GRK4: variants seen among roughly 807,000 people sequenced by gnomAD.
GRK4 encodes the protein G protein-coupled receptor kinase 2-like.
In GRK4, 73 loss-of-function variants were observed where a neutral mutation model predicts 77.9. The ratio of observed to expected loss-of-function variants is 0.94; its 90% CI spans 0.78 to 1.14. The LOEUF (loss-of-function observed/expected upper bound fraction) is 1.14. GRK4 is among the 50% of genes most tolerant of loss of function. The pLI, the probability that GRK4 is intolerant of heterozygous loss-of-function variation, is 0.00. For synonymous variants in GRK4, 257 were observed against 254.4 expected, an observed-to-expected ratio of 1.01 and a Z score of -0.10; for missense variants, 729 against 700.2, an observed-to-expected ratio of 1.04 and a Z score of -0.46.
At position 2,992,312 on chromosome 4, in the gene GRK4, AT is replaced by A. The variant is rs777509703; in HGVS notation, c.339+21del. ...GATAAGGTGTGTTTTCTTCTTTAGAATAAAAATTTGTAGATAAATAATTAGA... is the reference window on the plus strand; with the variant it reads ...GATAAGGTGTGTTTTCTTCTTTAGAAAAAAATTTGTAGATAAATAATTAGA... On this transcript the variant is annotated intron_variant, in intron 4 of 15. Transcript: ENST00000398052. 1.3e-6 allele frequency: 2 copies of A among 1,507,112 alleles called. No individual in the cohort carries two copies. Among genetic ancestry groups the A allele is most frequent in the Admixed American group, 3.4e-5 (2 of 59,640 alleles). The allele number at this position is 1,507,112 out of a possible 1,614,324, so 93.4% of individuals were successfully genotyped here.
intron 5 of GRK4, among the ~76,000 whole-genome samples, chr4:3,006,957 G>T (rs1291235406): frequency 6.6e-6 from 1 of 152,142 alleles, no homozygotes; most frequent in Non-Finnish European, 1.5e-5. Context: ...CCACGCTTTT[G>T]TCCTTCACAT....
At chr4:2,982,825 T>C (rs2109544193) in intron 1 of GRK4, among the ~76,000 whole-genome samples, 1 of 152,354 alleles carries the variant, frequency 6.6e-6, no homozygotes, top group Non-Finnish European at 1.5e-5. Context: ...AGGTCACCCT[T>C]TCCCCACCCT....
chr4:3,007,759 G>A lies in GRK4; in HGVS notation c.467G>A (p.Gly156Glu), dbSNP rs758220969. 3 of 1,608,344 alleles carry A rather than the reference G, an allele frequency of 1.9e-6. No homozygotes were observed. The highest frequency in any genetic ancestry group is 2.5e-6 in the Non-Finnish European group (3 of 1,177,160). ...AGAGTTGCCCATAACTACCTAAGAGGGGAACCATTTGAAGAATACCAAGAA... is the reference window on the plus strand; with the variant it reads ...AGAGTTGCCCATAACTACCTAAGAGAGGAACCATTTGAAGAATACCAAGAA... ...CTRVAHNYLR[G>E]EPFEEYQESS... The change falls in exon 6 of 16, where the codon GGG becomes GAG. Residue 156 changes from glycine to glutamate, a missense_variant. Coordinates refer to ENST00000398052, the MANE Select transcript of GRK4 (RefSeq NM_182982.3).
chr4:2,979,403 C>CAAAA (rs144374548), intron 1 of GRK4, among the ~76,000 whole-genome samples: 32 of 59,140 alleles, frequency 5.4e-4, no homozygotes, highest in Non-Finnish European at 6.2e-4. Flanking sequence ...GACTCTGTCT[C>CAAAA]AAAAAAAAAA....
chr4:3,000,599 T>C (rs1407149990), intron 4 of GRK4, among the ~76,000 whole-genome samples: 1 of 151,480 alleles, frequency 6.6e-6, no homozygotes, highest in Non-Finnish European at 1.5e-5. Context: ...ACAGTCTTGC[T>C]CTGTCACCAG....
intron 9 of GRK4, among the ~76,000 whole-genome samples, chr4:3,020,694 G>A (rs1482791101): frequency 6.6e-6 from 1 of 152,024 alleles, no homozygotes; most frequent in African/African-American, 2.4e-5. Context: ...GGGTTCATCT[G>A]CCAGTTATAG....
At chr4:2,970,205 G>A (rs1424069750) in intron 1 of GRK4, among the ~76,000 whole-genome samples, 2 of 152,176 alleles carry the variant, frequency 1.3e-5, no homozygotes, top group Non-Finnish European at 2.9e-5. Flanking sequence ...CAGGTTATTA[G>A]CAACCAGGTC....
chr4:2,964,013 TC>T lies in GRK4; in HGVS notation c.-56del. On this transcript the variant is annotated 5_prime_UTR_variant, in exon 1 of 16. Coordinates refer to ENST00000398052, the MANE Select transcript of GRK4 (RefSeq NM_182982.3). ...CGGGGGCGGCGGCGTCTCCTCCTGTTCCGCCTCCTCAGTCTCCTCGGTCTCG... is the reference window on the plus strand; with the variant it reads ...CGGGGGCGGCGGCGTCTCCTCCTGTTCGCCTCCTCAGTCTCCTCGGTCTCG... 6.6e-7 allele frequency: 1 copy of T among 1,525,760 alleles called. No homozygotes were observed. The highest frequency in any genetic ancestry group is 9.0e-7 in the Non-Finnish European group (1 of 1,112,360). 94.5% of individuals were successfully genotyped at this position (1,525,760 alleles called of 1,614,324 possible). A position where few individuals can be genotyped will look rare whatever the true frequency, so the allele number is the denominator to read the frequency against.
intron 1 of GRK4, among the ~76,000 whole-genome samples, chr4:2,968,968 G>A (rs1718614901): frequency 6.6e-6 from 1 of 151,984 alleles, no homozygotes; most frequent in Non-Finnish European, 1.5e-5. Context: ...GAACCAGGCA[G>A]CTGGAATGAC....
rs374393380 is a variant in GRK4 at position 3,019,182 on chromosome 4, C to T, written c.742-459C>T. On this transcript the variant is annotated intron_variant, in intron 8 of 15. Transcript: ENST00000398052. ...TATATAGAGAAATGCAAATTAAGAC[C>T]GCAGTAAGAGACTACTCCACCAGCA... Among the ~76,000 whole-genome samples the T allele has an allele frequency of 2.8e-4, 42 of 152,208 alleles. No homozygotes were observed. The East Asian group carries it at 4.8e-3, about 17-fold the overall frequency.
Position 3,013,801 on chromosome 4 carries a change from T to C in GRK4, c.714T>C (p.Ile238=), listed in dbSNP as rs992087865. The change falls in exon 8 of 16, where the codon ATT becomes ATC. Residue 238 remains isoleucine (I), a synonymous_variant. Transcript: ENST00000398052. ...GEAMALNEKR[I]LEKVQSRFVV... is the part of the protein sequence containing the mutation. ...CTATGGCTCTAAATGAGAAAAGAATTCTGGAGAAAGTGCAAAGTAGATTCG... is the reference window on the plus strand; with the variant it reads ...CTATGGCTCTAAATGAGAAAAGAATCCTGGAGAAAGTGCAAAGTAGATTCG... 3 of 1,610,552 alleles carry C rather than the reference T, an allele frequency of 1.9e-6. No homozygotes were observed. The highest frequency in any genetic ancestry group is 1.6e-4 in the Middle Eastern group (1 of 6,068).
rs1392237316 is a variant in GRK4 at position 3,037,265 on chromosome 4, G to T, written c.1408-109G>T. On this transcript the variant is annotated intron_variant, in intron 13 of 15. Coordinates refer to ENST00000398052, the MANE Select transcript of GRK4 (RefSeq NM_182982.3). ...CCTGGCAAAAGAATGGAGACAGGGA[G>T]AGTGGCGGTGTTTATGCGTCAGTTT... is the stretch of plus-strand genomic sequence containing the variant. The T allele has an allele frequency of 2.9e-6, 3 of 1,033,392 alleles. No homozygotes were observed. In the African/African-American group the frequency reaches 4.8e-5, roughly 16 times the overall value. The allele number at this position is 1,033,392 out of a possible 1,614,324, so 64.0% of individuals were successfully genotyped here.
At chr4:2,999,317 A>G (rs552665881) in intron 4 of GRK4, among the ~76,000 whole-genome samples, 3 of 152,268 alleles carry the variant, frequency 2.0e-5, no homozygotes, top group African/African-American at 7.2e-5. Flanking sequence ...CGCAACAATA[A>G]CAAAACCAGT....
At chr4:3,035,731 GTTTTTTGTTT>G (rs1204253917) in intron 13 of GRK4, among the ~76,000 whole-genome samples, 1 of 151,820 alleles carries the variant, frequency 6.6e-6, no homozygotes, top group African/African-American at 2.4e-5. Flanking sequence ...CTGCAACACA[GTTTTTTGTTT>G]TTTTTTGTTT....
At chr4:2,995,099 C>G (rs1335786035) in intron 4 of GRK4, among the ~76,000 whole-genome samples, 4 of 152,176 alleles carry the variant, frequency 2.6e-5, no homozygotes, top group Admixed American at 1.3e-4. Context: ...CATGTTCTTG[C>G]AAAGAACATG....
intron 10 of GRK4, among the ~76,000 whole-genome samples, chr4:3,024,916 A>C (rs973409618): frequency 6.6e-6 from 1 of 152,140 alleles, no homozygotes; most frequent in African/African-American, 2.4e-5. Context: ...ATTTCTTTGC[A>C]GTTCTTTTAG....
chr4:2,978,997 A>C (rs1270358345), intron 1 of GRK4, among the ~76,000 whole-genome samples: 2 of 151,978 alleles, frequency 1.3e-5, no homozygotes, highest in African/African-American at 4.8e-5. Context: ...TGGGAGGCCA[A>C]GGCAGGCGGA....
chr4:2,967,372 G>A (rs977980833), intron 1 of GRK4, among the ~76,000 whole-genome samples: 2 of 152,188 alleles, frequency 1.3e-5, no homozygotes, highest in East Asian at 1.9e-4. Flanking sequence ...TGAAGGAAGC[G>A]TGAAATGATC....
chr4:3,014,084 C>T (rs373807610), intron 8 of GRK4, among the ~76,000 whole-genome samples: 17 of 152,206 alleles, frequency 1.1e-4, no homozygotes, highest in South Asian at 4.2e-4. Flanking sequence ...TGTAGTCCCC[C>T]GCCTCCCATT....
Sources: allele counts gnomAD v4.1 joint callset (sites outside exome capture counted in the v4.1 genomes callset), GRCh38; gene constraint gnomAD v4.1.1; transcripts MANE v1.5; gene names NCBI Gene and HGNC (gene_info 2026-07-23, HGNC 2026-07-21).